The following COL11A1 variants were observed in gnomAD, a reference collection of about 807,000 sequenced individuals.
The protein encoded by COL11A1 is collagen alpha-1(XI) chain.
COL11A1 carries 74 observed loss-of-function variants against 265.2 expected under a neutral mutation model. That is an observed-to-expected ratio of 0.28 (90% CI 0.23 to 0.34). The LOEUF (loss-of-function observed/expected upper bound fraction) is 0.34. Among genes scored for constraint, COL11A1 ranks in the 10% least tolerant of loss-of-function variants. COL11A1 has a pLI of 1.00. For synonymous variants in COL11A1, 816 were observed against 727.6 expected (o/e 1.12, Z -1.96); for missense variants, 2,165 against 2,263.6 (o/e 0.96, Z 0.88).
chr1:103,056,612 A>G lies in COL11A1; in HGVS notation c.651+18006T>C, dbSNP rs948866642. On this transcript the variant is annotated intron_variant, in intron 4 of 66. Transcript: ENST00000370096. ...GGAATCATGTTGAAAACACCAGAAC[A>G]TTCTGTTCTTCTTAAAAAAAGCATG... Among the ~76,000 whole-genome samples, 4 of 152,244 alleles carry G rather than the reference A, an allele frequency of 2.6e-5. No homozygotes were observed. The East Asian group carries it at 7.7e-4, about 29-fold the overall frequency.
intron 62 of COL11A1, among the ~76,000 whole-genome samples, chr1:102,887,672 T>C (rs187878326): frequency 1.5e-3 from 226 of 152,288 alleles, no homozygotes; most frequent in African/African-American, 4.6e-3. Context: ...TTTGTAATGT[T>C]GAAGTCCTAA....
rs982171063 is a variant in COL11A1 at position 102,964,556 on chromosome 1, A to C, written c.2916+931T>G. 8.6e-5 allele frequency among the ~76,000 whole-genome samples: 13 copies of C among 151,740 alleles called. 1 individual carries two copies. Among genetic ancestry groups the C allele is most frequent in the Admixed American group, 8.5e-4 (13 of 15,206 alleles). ...TTGCTTCTGTTATACATATTCCTAA[A>C]AACAAGATGCAGTTTTGTTGTTTCT... On this transcript the variant is annotated intron_variant, in intron 38 of 66. Coordinates refer to ENST00000370096, the MANE Select transcript of COL11A1 (RefSeq NM_001854.4).
chr1:103,092,677 G>A (rs1188831067), intron 1 of COL11A1, among the ~76,000 whole-genome samples: 2 of 152,114 alleles, frequency 1.3e-5, no homozygotes, highest in Non-Finnish European at 2.9e-5. Flanking sequence ...ATTTCCACAT[G>A]AGCAGTGGAT....
chr1:102,941,103 T>C (rs1658673144), intron 42 of COL11A1, among the ~76,000 whole-genome samples: 1 of 152,174 alleles, frequency 6.6e-6, no homozygotes, highest in Non-Finnish European at 1.5e-5. Context: ...TTTCTGTCCT[T>C]CTGTTATACA....
At chr1:102,904,617 T>G (rs1208354906) in intron 54 of COL11A1, among the ~76,000 whole-genome samples, 4 of 151,602 alleles carry the variant, frequency 2.6e-5, no homozygotes, top group African/African-American at 9.7e-5. Context: ...AAAAAACACA[T>G]GAAAAAATGC....
intron 4 of COL11A1, among the ~76,000 whole-genome samples, chr1:103,033,648 A>T (rs2102008617): frequency 6.6e-6 from 1 of 152,248 alleles, no homozygotes; most frequent in East Asian, 1.9e-4. Context: ...ATAAACAAGA[A>T]CAATCTTTTA....
chr1:102,960,180 T>A (rs938720135), intron 41 of COL11A1, among the ~76,000 whole-genome samples: 1 of 152,172 alleles, frequency 6.6e-6, no homozygotes, highest in Admixed American at 6.5e-5. Context: ...CACATTTCCA[T>A]AATTATGTCA....
intron 14 of COL11A1, 24 bp downstream of exon 14, chr1:103,012,389 A>G (rs751129609): frequency 1.4e-5 from 22 of 1,599,824 alleles, no homozygotes; most frequent in African/African-American, 1.3e-5. Flanking sequence ...TTTAACATAT[A>G]TTATCTTTGT....
At chr1:102,987,055 TCA>T (rs1663636075) in intron 30 of COL11A1, among the ~76,000 whole-genome samples, 1 of 152,094 alleles carries the variant, frequency 6.6e-6, no homozygotes, top group African/African-American at 2.4e-5. Context: ...CATCCTTTAA[TCA>T]CACATCCTTT....
At chr1:103,048,477 ATTC>A (rs200362532) in intron 4 of COL11A1, among the ~76,000 whole-genome samples, 4,620 of 151,134 alleles carry the variant, frequency 0.031, 256 homozygotes, top group African/African-American at 0.11. Context: ...TATTGCGTCT[ATTC>A]TTCTCTCTTT....
chr1:102,968,589 C>T (rs1002411125), intron 37 of COL11A1, among the ~76,000 whole-genome samples: 4 of 152,044 alleles, frequency 2.6e-5, no homozygotes, highest in Non-Finnish European at 5.9e-5. Flanking sequence ...GCAAAGAATG[C>T]CCACTCTAGA....
rs1360019497 is a variant in COL11A1 at position 103,014,665 on chromosome 1, TTAGA to T, written c.1489-75_1489-72del. The T allele has an allele frequency of 4.6e-6, 6 of 1,302,878 alleles. No individual in the cohort carries two copies. In the East Asian group the frequency reaches 1.4e-4, roughly 31 times the overall value. The allele number at this position is 1,302,878 out of a possible 1,614,324, so 80.7% of individuals were successfully genotyped here. On this transcript the variant is annotated intron_variant, in intron 12 of 66. Transcript: ENST00000370096. Reference sequence around the variant, plus strand: ...CATGTTGAATTACGTGCTTTGATCATTAGATAAAAACCACTTATTAAAATGGTGG... The same window carrying T: ...CATGTTGAATTACGTGCTTTGATCATTAAAAACCACTTATTAAAATGGTGG...
chr1:102,989,414 A>C, intron 29 of COL11A1, 104 bp downstream of exon 29: 1 of 639,778 alleles, frequency 1.6e-6, no homozygotes, highest in Non-Finnish European at 2.5e-6. Context: ...GGTAGTACAA[A>C]CATTTTATTT....
chr1:103,048,089 C>T (rs1443307660), intron 4 of COL11A1, among the ~76,000 whole-genome samples: 2 of 152,146 alleles, frequency 1.3e-5, no homozygotes, highest in Non-Finnish European at 2.9e-5. Flanking sequence ...CTCTGCCAGG[C>T]TTTGGTATCA....
At chr1:103,014,688 AT>A (rs1025535822) in intron 12 of COL11A1, 94 bp from the exon 13 acceptor site, 1 of 1,013,464 alleles carries the variant, frequency 9.9e-7, no homozygotes, top group Non-Finnish European at 1.5e-6. Flanking sequence ...ACTTATTAAA[AT>A]GGTGGGATTT....
In COL11A1 at chr1:103,027,428, T is replaced by C. The variant is rs902652672; in HGVS notation, c.781-1096A>G. ...ATATATATATATATATATATATATA[T>C]ATATATATATATATATGCATGCATG... On this transcript the variant is annotated intron_variant, in intron 5 of 66. Transcript: ENST00000370096. Among the ~76,000 whole-genome samples the C allele has an allele frequency of 5.9e-4, 75 of 128,002 alleles. 2 individuals carry two copies. Among genetic ancestry groups the C allele is most frequent in the African/African-American group, 2.2e-3 (66 of 30,684 alleles). 84.0% of individuals were successfully genotyped at this position (128,002 alleles called of 152,430 possible). A position where few individuals can be genotyped will look rare whatever the true frequency, so the allele number is the denominator to read the frequency against.
Position 103,088,925 on chromosome 1 carries a change from C to T in COL11A1, c.107-5953G>A, listed in dbSNP as rs145021654. 1.6e-3 allele frequency among the ~76,000 whole-genome samples: 237 copies of T among 152,238 alleles called. 1 individual carries two copies. Among genetic ancestry groups the T allele is most frequent in the African/African-American group, 5.5e-3 (228 of 41,544 alleles). On this transcript the variant is annotated intron_variant, in intron 1 of 66. Coordinates refer to ENST00000370096, the MANE Select transcript of COL11A1 (RefSeq NM_001854.4). The stretch of plus-strand genomic sequence containing the variant: ...GGAGAAAAATCATATCTTCATCATG[C>T]ATTCACTGCCACAAACTCCAAGAGC...
intron 4 of COL11A1, among the ~76,000 whole-genome samples, chr1:103,066,405 T>C (rs1030593415): frequency 4.0e-5 from 6 of 151,762 alleles, no homozygotes; most frequent in African/African-American, 1.4e-4. Flanking sequence ...ATACATACAA[T>C]GATACAATAT....
intron 22 of COL11A1, 101 bp downstream of exon 22, chr1:103,002,646 C>G (rs1665219956): frequency 2.5e-6 from 3 of 1,203,042 alleles, no homozygotes; most frequent in South Asian, 2.5e-5. Context: ...ATATACTTAG[C>G]AAAATGTAAT....
Sources: gnomAD v4.1 joint callset for allele counts (sites outside exome capture counted in the v4.1 genomes callset) on GRCh38, gnomAD v4.1.1 for gene constraint, MANE v1.5 for transcripts, NCBI Gene and HGNC (gene_info 2026-07-23, HGNC 2026-07-21) for gene names.